Variants in NRXN3 observed in about 807,000 individuals in gnomAD.
NRXN3 encodes the protein neurexin III.
A neutral mutation model predicts 137.6 loss-of-function variants in NRXN3; 32 were observed. The ratio of observed to expected loss-of-function variants is 0.23; its 90% CI spans 0.18 to 0.31. The LOEUF (loss-of-function observed/expected upper bound fraction) is 0.31. Among genes scored for constraint, NRXN3 ranks in the 10% least tolerant of loss-of-function variants. NRXN3 has a pLI of 1.00. For synonymous variants in NRXN3, 798 were observed against 784.5 expected (o/e 1.02, Z -0.29); for missense variants, 1,574 against 2,062.5 (o/e 0.76, Z 4.59).
intron 3 of NRXN3, among the ~76,000 whole-genome samples, chr14:78,287,886 T>C (rs1300569568): frequency 6.6e-6 from 1 of 152,196 alleles, no homozygotes; most frequent in Non-Finnish European, 1.5e-5. Flanking sequence ...ACATTTTATT[T>C]TTTGCATCCT....
At chr14:78,294,806 T>C (rs1403282146) in intron 3 of NRXN3, among the ~76,000 whole-genome samples, 3 of 152,172 alleles carry the variant, frequency 2.0e-5, no homozygotes, top group African/African-American at 4.8e-5. Context: ...TATGAGTATA[T>C]ATGGCAAATG....
At chr14:79,598,938 A>AT (rs2097892384) in intron 16 of NRXN3, among the ~76,000 whole-genome samples, 1 of 152,216 alleles carries the variant, frequency 6.6e-6, no homozygotes, top group African/African-American at 2.4e-5. Flanking sequence ...ACTCTCATGT[A>AT]TGAATAGCTC....
chr14:79,358,569 A>AG (rs2093521874), intron 15 of NRXN3, among the ~76,000 whole-genome samples: 1 of 144,186 alleles, frequency 6.9e-6, no homozygotes, highest in Non-Finnish European at 1.5e-5. Flanking sequence ...CAAAAAAAAA[A>AG]AAAAAGAAAG....
At chr14:78,207,915 A>G (rs760215) in intron 1 of NRXN3, among the ~76,000 whole-genome samples, 100,438 of 152,048 alleles carry the variant, frequency 0.66, 33,360 homozygotes, top group Middle Eastern at 0.72. Flanking sequence ...AAATAAAACT[A>G]AGCACAGCAT....
intron 10 of NRXN3, among the ~76,000 whole-genome samples, chr14:78,946,783 T>G (rs1418057130): frequency 6.6e-6 from 1 of 152,104 alleles, no homozygotes; most frequent in Non-Finnish European, 1.5e-5. Flanking sequence ...ACATAGTCGG[T>G]TTTGCATGCG....
At chr14:79,604,817 A>T (rs8009763) in intron 16 of NRXN3, among the ~76,000 whole-genome samples, 2 of 151,590 alleles carry the variant, frequency 1.3e-5, no homozygotes, top group South Asian at 2.1e-4. Context: ...GGATCACTTG[A>T]GGTCAGGAGT....
chr14:79,233,345 C>G (rs192741936), intron 15 of NRXN3, among the ~76,000 whole-genome samples: 229 of 152,218 alleles, frequency 1.5e-3, no homozygotes, highest in African/African-American at 5.3e-3. Flanking sequence ...TTAAATGGGG[C>G]TCAGGGTTCA....
At chr14:79,227,645 C>T (rs1316452000) in intron 15 of NRXN3, among the ~76,000 whole-genome samples, 1 of 152,124 alleles carries the variant, frequency 6.6e-6, no homozygotes. Context: ...TCACCAAAGG[C>T]AGTATGTATT....
intron 4 of NRXN3, among the ~76,000 whole-genome samples, chr14:78,492,763 T>G (rs2153750667): frequency 6.6e-6 from 1 of 152,318 alleles, no homozygotes; most frequent in South Asian, 2.1e-4. Context: ...GTGGTGTTAG[T>G]CTGTCTTTTA....
chr14:78,777,838 C>T (rs1294854431), intron 8 of NRXN3, among the ~76,000 whole-genome samples: 1 of 152,182 alleles, frequency 6.6e-6, no homozygotes, highest in Non-Finnish European at 1.5e-5. Context: ...TCTCAGCTCA[C>T]TGCAACCTTT....
chr14:78,879,446 G>T (rs888666422), intron 10 of NRXN3, among the ~76,000 whole-genome samples: 1 of 152,064 alleles, frequency 6.6e-6, no homozygotes, highest in African/African-American at 2.4e-5. Context: ...TTTCGTTGTG[G>T]TTTTAATTTG....
chr14:78,360,552 G>A (rs574788991), intron 4 of NRXN3, among the ~76,000 whole-genome samples: 1 of 152,190 alleles, frequency 6.6e-6, no homozygotes, highest in South Asian at 2.1e-4. Flanking sequence ...TACCCATGTA[G>A]CCCTGGGTGC....
At chr14:78,515,711 G>A (rs1031436957) in intron 4 of NRXN3, among the ~76,000 whole-genome samples, 5 of 152,002 alleles carry the variant, frequency 3.3e-5, no homozygotes, top group Non-Finnish European at 5.9e-5. Flanking sequence ...CCGAGATGAC[G>A]AGTTTCGTGA....
At chr14:78,231,535 A>G (rs1343019706) in intron 1 of NRXN3, 2 of 152,164 alleles carry the variant, frequency 1.3e-5, no homozygotes, top group African/African-American at 2.4e-5. Context: ...TTGGCTACAC[A>G]TAGGGCCAAA....
At chr14:79,003,567 C>T (rs956548357) in intron 15 of NRXN3, among the ~76,000 whole-genome samples, 1 of 152,118 alleles carries the variant, frequency 6.6e-6, no homozygotes, top group Non-Finnish European at 1.5e-5. Flanking sequence ...AAGTGGAAGA[C>T]CCGTAGCCAA....
chr14:78,203,410 C>T (rs1302982124), intron 1 of NRXN3, among the ~76,000 whole-genome samples: 3 of 152,182 alleles, frequency 2.0e-5, no homozygotes, highest in Non-Finnish European at 4.4e-5. Context: ...ATGGCACTGG[C>T]TCCCAGGTAT....
intron 19 of NRXN3, among the ~76,000 whole-genome samples, chr14:79,801,606 C>T (rs774553465): frequency 4.6e-5 from 7 of 152,100 alleles, no homozygotes; most frequent in Non-Finnish European, 8.8e-5. Context: ...TTGGGATTCA[C>T]AGTTGTGCTA....
At chr14:79,183,364 AGC>A (rs1432444133) in intron 15 of NRXN3, among the ~76,000 whole-genome samples, 1 of 152,178 alleles carries the variant, frequency 6.6e-6, no homozygotes, top group Non-Finnish European at 1.5e-5. Context: ...ACTGTTAATT[AGC>A]TCAGTGGATT....
At chr14:78,805,454 G>T (rs540900903) in intron 9 of NRXN3, among the ~76,000 whole-genome samples, 1 of 151,946 alleles carries the variant, frequency 6.6e-6, no homozygotes, top group Admixed American at 6.6e-5. Flanking sequence ...AGAACACAGC[G>T]TATTGAGCAG....
Sources: allele counts gnomAD v4.1 joint callset (sites outside exome capture counted in the v4.1 genomes callset), GRCh38; gene constraint gnomAD v4.1.1; transcripts MANE v1.5; gene names NCBI Gene and HGNC (gene_info 2026-07-23, HGNC 2026-07-21).